CACNA2D2: variants seen among roughly 807,000 people sequenced by gnomAD.
The protein encoded by CACNA2D2 is voltage-dependent calcium channel subunit alpha-2/delta-2.
Under a neutral mutation model 166.4 loss-of-function variants are expected in CACNA2D2, and 48 were observed. The observed-to-expected ratio is 0.29, with a 90% CI of 0.23 to 0.37. The LOEUF is 0.37. CACNA2D2 is among the 10% of genes least tolerant of loss of function. CACNA2D2 has a pLI of 1.00. For synonymous variants in CACNA2D2, 561 were observed against 573.7 expected (o/e 0.98, Z 0.32); for missense variants, 1,122 against 1,433.0 (o/e 0.78, Z 3.50).
intron 1 of CACNA2D2, among the ~76,000 whole-genome samples, chr3:50,501,985 C>T (rs1698985014): frequency 6.6e-6 from 1 of 152,094 alleles, no homozygotes; most frequent in African/African-American, 2.4e-5. Flanking sequence ...CCAGGCTGTG[C>T]AATGAGAGAG....
intron 3 of CACNA2D2, among the ~76,000 whole-genome samples, chr3:50,396,709 A>G (rs1217932446): frequency 7.7e-6 from 1 of 129,082 alleles, no homozygotes; most frequent in Non-Finnish European, 1.5e-5. Flanking sequence ...GAGGCTGTGT[A>G]AAGCCTGACG....
intron 1 of CACNA2D2, among the ~76,000 whole-genome samples, chr3:50,502,146 C>T (rs1698994429): frequency 6.6e-6 from 1 of 152,178 alleles, no homozygotes; most frequent in African/African-American, 2.4e-5. Flanking sequence ...TGACGCAGAG[C>T]CAGCCTCTCC....
Position 50,465,295 on chromosome 3 carries a change from G to A in CACNA2D2, c.288+10823C>T, listed in dbSNP as rs190696551. ...AAAGTTTTCCCTGGTGTGAAAGTCC[G>A]TCTTTAGAAGGAATAAATTCACTGC... On this transcript the variant is annotated intron_variant, in intron 2 of 37. Transcript: ENST00000424201. 1.9e-3 allele frequency among the ~76,000 whole-genome samples: 291 copies of A among 152,318 alleles called. 1 individual carries two copies. Among genetic ancestry groups the A allele is most frequent in the Non-Finnish European group, 3.3e-3 (226 of 68,016 alleles).
At chr3:50,428,987 T>G (rs1429691198) in intron 3 of CACNA2D2, among the ~76,000 whole-genome samples, 2 of 152,144 alleles carry the variant, frequency 1.3e-5, no homozygotes, top group African/African-American at 4.8e-5. Context: ...CCTAGCACTT[T>G]GGGAGGCCGA....
intron 3 of CACNA2D2, among the ~76,000 whole-genome samples, chr3:50,411,547 G>A (rs969062041): frequency 1.3e-5 from 2 of 152,214 alleles, no homozygotes; most frequent in Non-Finnish European, 2.9e-5. Context: ...AGATGCTTTT[G>A]TGATTCTAGT....
At chr3:50,436,965 G>A (rs553856662) in intron 2 of CACNA2D2, among the ~76,000 whole-genome samples, 15 of 152,324 alleles carry the variant, frequency 9.8e-5, no homozygotes, top group Admixed American at 7.2e-4. Context: ...ACACTGGGAC[G>A]CCACTGATAG....
chr3:50,462,528 T>C (rs1709638405), intron 2 of CACNA2D2, among the ~76,000 whole-genome samples: 1 of 152,106 alleles, frequency 6.6e-6, no homozygotes, highest in Non-Finnish European at 1.5e-5. Context: ...GGCGCAGTTC[T>C]GAATTGCATT....
intron 3 of CACNA2D2, among the ~76,000 whole-genome samples, chr3:50,412,446 C>T (rs1460606056): frequency 2.0e-5 from 3 of 152,230 alleles, no homozygotes; most frequent in Non-Finnish European, 2.9e-5. Context: ...CCATTTTCTA[C>T]CACATTTCAC....
intron 1 of CACNA2D2, among the ~76,000 whole-genome samples, chr3:50,481,075 C>T (rs1698035213): frequency 6.6e-6 from 1 of 151,952 alleles, no homozygotes; most frequent in Non-Finnish European, 1.5e-5. Context: ...ATAATCCAGG[C>T]TTTTGGAATA....
chr3:50,488,963 G>A (rs925025830), intron 1 of CACNA2D2, among the ~76,000 whole-genome samples: 4 of 152,154 alleles, frequency 2.6e-5, no homozygotes, highest in African/African-American at 9.7e-5. Context: ...GCCTCCCAAA[G>A]TGCTGGGATT....
chr3:50,467,305 T>C (rs543549102), intron 2 of CACNA2D2, among the ~76,000 whole-genome samples: 1 of 152,320 alleles, frequency 6.6e-6, no homozygotes, highest in East Asian at 1.9e-4. Context: ...TCCTGGCAGA[T>C]GCCCCATGCC....
intron 2 of CACNA2D2, among the ~76,000 whole-genome samples, chr3:50,455,116 C>G (rs1709292551): frequency 6.6e-6 from 1 of 152,238 alleles, no homozygotes; most frequent in Admixed American, 6.5e-5. Context: ...CCCCATCACA[C>G]CAAAGGTCCA....
chr3:50,500,114 A>C (rs987984660), intron 1 of CACNA2D2, among the ~76,000 whole-genome samples: 1 of 152,160 alleles, frequency 6.6e-6, no homozygotes, highest in Non-Finnish European at 1.5e-5. Context: ...CACGTCACCC[A>C]CCATTAACCG....
intron 2 of CACNA2D2, among the ~76,000 whole-genome samples, chr3:50,447,418 G>A (rs1708905333): frequency 6.6e-6 from 1 of 152,178 alleles, no homozygotes. Flanking sequence ...TTCTAGCTCT[G>A]TCAAGGGCTC....
At chr3:50,429,721 G>A (rs1431657891) in intron 3 of CACNA2D2, among the ~76,000 whole-genome samples, 1 of 150,590 alleles carries the variant, frequency 6.6e-6, no homozygotes, top group Non-Finnish European at 1.5e-5. Flanking sequence ...AGTAAGCCGA[G>A]ATCATGCCAC....
At chr3:50,417,727 GC>G (rs1422367619) in intron 3 of CACNA2D2, among the ~76,000 whole-genome samples, 1 of 152,136 alleles carries the variant, frequency 6.6e-6, no homozygotes, top group African/African-American at 2.4e-5. Context: ...CCCTCTCCTT[GC>G]CCCCCTGCTG....
chr3:50,434,421 C>T lies in CACNA2D2; in HGVS notation c.297G>A (p.Lys99=). Residue 99 remains lysine (K), a synonymous_variant, in exon 3 of 38, where the codon AAG becomes AAA. Coordinates refer to ENST00000424201, the MANE Select transcript of CACNA2D2 (RefSeq NM_006030.4). Reference sequence around the variant, plus strand: ...GTACCTCGAACAGGTTCCGGTTGTCCTTGTAAATCTGGAAGGAAGCAGAAG... The same window carrying T: ...GTACCTCGAACAGGTTCCGGTTGTCTTTGTAAATCTGGAAGGAAGCAGAAG... ...GGVQQLREIY[K]DNRNLFEVQE... 6.2e-7 allele frequency: 1 copy of T among 1,613,882 alleles called. No individual in the cohort carries two copies. Among genetic ancestry groups the T allele is most frequent in the Non-Finnish European group, 8.5e-7 (1 of 1,179,762 alleles).
At chr3:50,387,533 C>T in intron 5 of CACNA2D2, 35 bp downstream of exon 5, 1 of 1,598,724 alleles carries the variant, frequency 6.3e-7, no homozygotes, top group Non-Finnish European at 8.6e-7. Context: ...CACCAAGGCC[C>T]AGCAAGGAGG....
At chr3:50,401,558 G>A (rs138132834) in intron 3 of CACNA2D2, among the ~76,000 whole-genome samples, 206 of 152,240 alleles carry the variant, frequency 1.4e-3, no homozygotes, top group Non-Finnish European at 2.2e-3. Flanking sequence ...CCCAGATGCT[G>A]GAATTTCAGG....
Sources: gnomAD v4.1 joint callset for allele counts (sites outside exome capture counted in the v4.1 genomes callset) on GRCh38, gnomAD v4.1.1 for gene constraint, MANE v1.5 for transcripts, NCBI Gene and HGNC (gene_info 2026-07-23, HGNC 2026-07-21) for gene names.